TLL2: variants seen among roughly 807,000 people sequenced by gnomAD.
The protein encoded by TLL2 is tolloid-like protein 2.
A neutral mutation model predicts 123.0 loss-of-function variants in TLL2; 106 were observed. The ratio of observed to expected loss-of-function variants is 0.86; its 90% CI spans 0.74 to 1.01. TLL2 has a LOEUF of 1.01. Among genes scored for constraint, TLL2 ranks in the 50% least tolerant of loss-of-function variants. TLL2 has a pLI of 0.00. For missense variants in TLL2, 1,332 were observed against 1,336.7 expected, an observed-to-expected ratio of 1.00 and a Z score of 0.06; for synonymous variants, 494 against 516.8, an observed-to-expected ratio of 0.96 and a Z score of 0.60.
At chr10:96,471,612 C>T (rs982980198) in intron 2 of TLL2, among the ~76,000 whole-genome samples, 3 of 152,172 alleles carry the variant, frequency 2.0e-5, no homozygotes, top group African/African-American at 7.2e-5. Flanking sequence ...TTACGTGTCA[C>T]ACTTATTTAA....
chr10:96,426,347 T>A (rs1689600748), intron 5 of TLL2, among the ~76,000 whole-genome samples: 1 of 152,180 alleles, frequency 6.6e-6, no homozygotes, highest in Admixed American at 6.5e-5. Flanking sequence ...TTATCTTTTT[T>A]ATCATGTTTT....
intron 17 of TLL2, 84 bp downstream of exon 17, chr10:96,378,883 T>C: frequency 1.3e-6 from 2 of 1,563,608 alleles, no homozygotes; most frequent in Non-Finnish European, 1.8e-6. Context: ...TCGCCGCACC[T>C]CCTTACTCAT....
chr10:96,424,977 T>C (rs1310483801), intron 5 of TLL2, among the ~76,000 whole-genome samples: 1 of 151,692 alleles, frequency 6.6e-6, no homozygotes, highest in Non-Finnish European at 1.5e-5. Flanking sequence ...AGAATAGTTA[T>C]CGGTATAAGA....
intron 2 of TLL2, among the ~76,000 whole-genome samples, chr10:96,472,039 C>T (rs1231656626): frequency 6.6e-6 from 1 of 152,114 alleles, no homozygotes; most frequent in Admixed American, 6.5e-5. Context: ...CTTCTCTGGA[C>T]CCCCTCCTCA....
intron 13 of TLL2, among the ~76,000 whole-genome samples, chr10:96,392,460 T>A (rs936774911): frequency 2.0e-5 from 3 of 151,946 alleles, no homozygotes; most frequent in Admixed American, 6.5e-5. Context: ...TTTTTTTTTT[T>A]AATTTCCTAA....
intron 1 of TLL2, among the ~76,000 whole-genome samples, chr10:96,506,183 T>C (rs1589439127): frequency 8.0e-6 from 1 of 124,674 alleles, no homozygotes; most frequent in Non-Finnish European, 1.6e-5. Context: ...ATCCGGGAAG[T>C]GGAGGTTGTA....
intron 1 of TLL2, among the ~76,000 whole-genome samples, chr10:96,486,098 A>G (rs2134107017): frequency 6.6e-6 from 1 of 152,300 alleles, no homozygotes; most frequent in East Asian, 1.9e-4. Flanking sequence ...GAAAAGCTAC[A>G]TATCCCTTTG....
At chr10:96,466,084 T>C (rs1589429428) in intron 2 of TLL2, among the ~76,000 whole-genome samples, 1 of 152,166 alleles carries the variant, frequency 6.6e-6, no homozygotes, top group Non-Finnish European at 1.5e-5. Context: ...GTGATGACAA[T>C]GTCAGAGAAG....
At chr10:96,465,846 C>T (rs142023811) in intron 2 of TLL2, among the ~76,000 whole-genome samples, 2 of 152,192 alleles carry the variant, frequency 1.3e-5, no homozygotes, top group Non-Finnish European at 2.9e-5. Flanking sequence ...CTCTGTTGAT[C>T]GTTGCCATGT....
At chr10:96,414,384 A>G (rs888396090) in intron 7 of TLL2, among the ~76,000 whole-genome samples, 1 of 152,116 alleles carries the variant, frequency 6.6e-6, no homozygotes, top group Non-Finnish European at 1.5e-5. Context: ...GTCACCACTC[A>G]TCTGCCAGTA....
At chr10:96,374,844 G>C (rs1174663193) in intron 18 of TLL2, among the ~76,000 whole-genome samples, 1 of 152,138 alleles carries the variant, frequency 6.6e-6, no homozygotes, top group African/African-American at 2.4e-5. Context: ...CAGATGCTGG[G>C]TAGGTGGCCG....
intron 16 of TLL2, among the ~76,000 whole-genome samples, chr10:96,380,209 C>T (rs1387617593): frequency 1.3e-5 from 2 of 152,136 alleles, no homozygotes; most frequent in Non-Finnish European, 2.9e-5. Flanking sequence ...ACTTGTGGTC[C>T]TTGTATGCAG....
intron 2 of TLL2, 85 bp from the exon 3 acceptor site, chr10:96,446,253 A>C: frequency 7.8e-7 from 1 of 1,284,920 alleles, no homozygotes; most frequent in Non-Finnish European, 1.1e-6. Flanking sequence ...AAACCTGGTC[A>C]CCTGGGGAGG....
In TLL2 at chr10:96,397,227, C is replaced by G; in HGVS notation, c.1343G>C (p.Ser448Thr). ...GAAGCCCTTGCCCAAGATGTTGCTG[C>G]TGCTGCGGAACTCCACCCAGAGCCG... The part of the protein sequence containing the change: ...DSRLWVEFRS[S>T]SNILGKGFFA... Residue 448 changes from serine (S) to threonine (T), a missense_variant, in exon 11 of 21, where the codon AGC becomes ACC. Transcript: ENST00000357947. The G allele has an allele frequency of 6.2e-7, 1 of 1,614,000 alleles. No homozygotes were observed. Among genetic ancestry groups the G allele is most frequent in the Non-Finnish European group, 8.5e-7 (1 of 1,179,902 alleles).
At chr10:96,479,305 C>T (rs1847288902) in intron 2 of TLL2, among the ~76,000 whole-genome samples, 1 of 152,336 alleles carries the variant, frequency 6.6e-6, no homozygotes, top group East Asian at 1.9e-4. Flanking sequence ...GCAATGTCAG[C>T]CCTCATCCAC....
chr10:96,485,620 A>G (rs1271127722), intron 1 of TLL2, among the ~76,000 whole-genome samples: 3 of 152,262 alleles, frequency 2.0e-5, no homozygotes, highest in Non-Finnish European at 4.4e-5. Context: ...GATGGCTAGA[A>G]TAAAAAATTA....
chr10:96,434,759 C>T (rs1846776762), intron 3 of TLL2, among the ~76,000 whole-genome samples: 1 of 152,146 alleles, frequency 6.6e-6, no homozygotes, highest in African/African-American at 2.4e-5. Flanking sequence ...TGAGAAACTA[C>T]CAGACTGTTT....
intron 3 of TLL2, among the ~76,000 whole-genome samples, chr10:96,438,626 T>C (rs1368807736): frequency 6.6e-6 from 1 of 152,216 alleles, no homozygotes. Context: ...TTTTTTCCTT[T>C]CCAACTTGTT....
Position 96,432,962 on chromosome 10 carries a change from T to C in TLL2, c.365A>G (p.Asp122Gly), listed in dbSNP as rs1846760097. The change falls in exon 4 of 21, where the codon GAT becomes GGT. Residue 122 changes from aspartate (D) to glycine (G), a missense_variant and splice_region_variant. Transcript: ENST00000357947. ...MDTGTKEAGK[D>G]GRENTTLLHS... ...CAGGAGTGTGGTATTCTCCCGGCCATCTGCAACACAGTCAGGTTAATATTG... is the reference window on the plus strand; with the variant it reads ...CAGGAGTGTGGTATTCTCCCGGCCACCTGCAACACAGTCAGGTTAATATTG... 2.5e-6 allele frequency: 4 copies of C among 1,612,754 alleles called. No individual in the cohort carries two copies. Among genetic ancestry groups the C allele is most frequent in the African/African-American group, 1.3e-5 (1 of 74,986 alleles).
Sources: gnomAD v4.1 joint callset for allele counts (sites outside exome capture counted in the v4.1 genomes callset) on GRCh38, gnomAD v4.1.1 for gene constraint, MANE v1.5 for transcripts, NCBI Gene and HGNC (gene_info 2026-07-23, HGNC 2026-07-21) for gene names.